CACNA1S: variants seen among roughly 807,000 people sequenced by gnomAD.
The protein encoded by CACNA1S is calcium voltage-gated channel subunit alpha1 S.
CACNA1S carries 126 observed loss-of-function variants against 207.4 expected under a neutral mutation model. The observed-to-expected ratio is 0.61, with a 90% CI of 0.53 to 0.70. The LOEUF (loss-of-function observed/expected upper bound fraction) is 0.70, where lower values mean the gene tolerates loss of function less well. Among genes scored for constraint, CACNA1S ranks in the 30% least tolerant of loss-of-function variants. The pLI is 0.00. For synonymous variants in CACNA1S, 960 were observed against 932.7 expected, an observed-to-expected ratio of 1.03 and a Z score of -0.53; for missense variants, 2,349 against 2,422.8, an observed-to-expected ratio of 0.97 and a Z score of 0.64.
Position 201,052,654 on chromosome 1 carries a change from A to G in CACNA1S, c.3862-6T>C. 1 of 1,611,248 alleles carries G rather than the reference A, an allele frequency of 6.2e-7. No homozygotes were observed. Among genetic ancestry groups the G allele is most frequent in the Non-Finnish European group, 8.5e-7 (1 of 1,177,504 alleles). The stretch of plus-strand genomic sequence containing the variant: ...AAGGCGATCTTCCCAAACATCTGCA[A>G]GTCACAAAGGGCCCTGACTGTGGAA... On this transcript the variant is annotated splice_polypyrimidine_tract_variant and splice_region_variant and intron_variant, in intron 31 of 43. Transcript: ENST00000362061.
chr1:201,047,076 G>T (rs2102552868), intron 38 of CACNA1S, 39 bp downstream of exon 38: 2 of 1,613,976 alleles, frequency 1.2e-6, no homozygotes, highest in South Asian at 2.2e-5. Flanking sequence ...ACCTGGCTCA[G>T]TGGGGGAGCC....
intron 13 of CACNA1S, 47 bp downstream of exon 13, chr1:201,075,448 C>T (rs775106748): frequency 4.4e-6 from 7 of 1,600,274 alleles, no homozygotes; most frequent in Non-Finnish European, 6.0e-6. Context: ...CCCTTTCCCC[C>T]ACCCCCTCCC....
chr1:201,110,937 G>C lies in CACNA1S; in HGVS notation c.153-668C>G, dbSNP rs572608501. Among the ~76,000 whole-genome samples, 136 of 152,354 alleles carry C rather than the reference G, an allele frequency of 8.9e-4. No homozygotes were observed. In the Middle Eastern group the frequency reaches 0.017, roughly 19 times the overall value. ...CTGGAAAGAGCTAGAGAAAGCAAGG[G>C]AGGAAGCGAGGGAGTTGTTTGGGGG... On this transcript the variant is annotated intron_variant, in intron 1 of 43. Transcript: ENST00000362061.
At chr1:201,083,621 G>A (rs998457392) in intron 9 of CACNA1S, among the ~76,000 whole-genome samples, 31 of 152,172 alleles carry the variant, frequency 2.0e-4, no homozygotes, top group Middle Eastern at 3.2e-3. Flanking sequence ...TTTAGTTAAA[G>A]CAACTCTGAG....
intron 38 of CACNA1S, 94 bp from the exon 39 acceptor site, chr1:201,044,550 G>T (rs1331053261): frequency 3.4e-6 from 5 of 1,459,586 alleles, no homozygotes; most frequent in South Asian, 1.2e-5. Flanking sequence ...TCACTCTGTT[G>T]CCCAGGCTGG....
In CACNA1S at chr1:201,053,456, C is replaced by T. The variant is rs191758096; in HGVS notation, c.3795+3G>A. 1.7e-3 allele frequency: 2,689 copies of T among 1,614,124 alleles called. 15 individuals are homozygous for T. The highest frequency in any genetic ancestry group is 4.9e-3 in the South Asian group (445 of 91,088). On this transcript the variant is annotated splice_donor_region_variant and intron_variant, in intron 30 of 43. Coordinates refer to ENST00000362061, the MANE Select transcript of CACNA1S (RefSeq NM_000069.3). This position sits in a 1 kb window ranked among gnomAD's most constrained non-coding sequence, Gnocchi z 5.1. ...CGTGCAGTTTCCAGGGTCCCTGTTG[C>T]ACCTGGAAGGACTTGATGAACGTCC...
At chr1:201,097,704 A>ATGT (rs1662488848) in intron 2 of CACNA1S, among the ~76,000 whole-genome samples, 2 of 151,970 alleles carry the variant, frequency 1.3e-5, no homozygotes, top group African/African-American at 4.8e-5. Context: ...ACATTCCCCC[A>ATGT]TCAGTAATAG....
At chr1:201,094,918 G>A (rs1049319048) in intron 2 of CACNA1S, among the ~76,000 whole-genome samples, 1 of 152,022 alleles carries the variant, frequency 6.6e-6, no homozygotes, top group Non-Finnish European at 1.5e-5. Flanking sequence ...GGGCCCAGGT[G>A]AGAGCTATTT....
chr1:201,087,847 A>G lies in CACNA1S; in HGVS notation c.983T>C (p.Leu328Pro), dbSNP rs1474333970. Residue 328 changes from leucine to proline, a missense_variant, in exon 7 of 44, where the codon CTG (leucine) becomes CCG (proline). Coordinates refer to ENST00000362061, the MANE Select transcript of CACNA1S (RefSeq NM_000069.3). ...ILLGSFFILN[L>P]VLGVLSGEFT... ...TTACCCACTCAGGACACCCAGCACC[A>G]GGTTGAGGATGAAGAAGGATCCCAG... 6.2e-7 allele frequency: 1 copy of G among 1,612,876 alleles called. No individual in the cohort carries two copies. The highest frequency in any genetic ancestry group is 8.5e-7 in the Non-Finnish European group (1 of 1,179,214).
Position 201,075,592 on chromosome 1 carries a change from G to A in CACNA1S, c.1851C>T (p.Thr617=). The A allele has an allele frequency of 6.2e-7, 1 of 1,614,126 alleles. No individual in the cohort carries two copies. Among genetic ancestry groups the A allele is most frequent in the Non-Finnish European group, 8.5e-7 (1 of 1,179,950 alleles). The change falls in exon 13 of 44, where the codon ACC becomes ACT. Residue 617 remains threonine, a synonymous_variant. Transcript: ENST00000362061. The part of the protein sequence containing the change: ...VFQVLTGEDW[T]SMMYNGIMAY... ...CCATGATCCCATTGTACATCATTGA[G>A]GTCCAGTCTTCCCCTGTCAGTACCT... is the stretch of plus-strand genomic sequence containing the variant.
chr1:201,102,586 C>T (rs1662718938), intron 2 of CACNA1S, among the ~76,000 whole-genome samples: 2 of 152,196 alleles, frequency 1.3e-5, no homozygotes, highest in African/African-American at 2.4e-5. Flanking sequence ...ACACGCATCC[C>T]AGTCTGTGCG....
rs954347856 is a variant in CACNA1S at position 201,087,793 on chromosome 1, C to G, written c.1004+33G>C. ...CTCCTTCTCCCCTCCTCCTCTTTCT[C>G]TTTTCTCCCCTGGCTACCTTTGAAT... On this transcript the variant is annotated intron_variant, in intron 7 of 43. Transcript: ENST00000362061. 6.9e-6 allele frequency: 10 copies of G among 1,445,962 alleles called. No homozygotes were observed. In the Admixed American group the frequency reaches 1.0e-4, roughly 15 times the overall value. 89.6% of individuals were successfully genotyped at this position (1,445,962 alleles called of 1,614,324 possible).
At chr1:201,054,320 A>G (rs1660758685) in intron 29 of CACNA1S, among the ~76,000 whole-genome samples, 185 bp downstream of exon 29, 1 of 152,130 alleles carries the variant, frequency 6.6e-6, no homozygotes, top group African/African-American at 2.4e-5. Context: ...ATATCCATGC[A>G]CACTTGACTG....
intron 2 of CACNA1S, among the ~76,000 whole-genome samples, chr1:201,103,260 AG>A (rs1662746972): frequency 6.7e-6 from 1 of 149,908 alleles, no homozygotes; most frequent in Admixed American, 6.7e-5. Flanking sequence ...AAAAAAAAAA[AG>A]AAAGAAAGAT....
In CACNA1S at chr1:201,061,939, C is replaced by T; in HGVS notation, c.3053+5G>A. Reference sequence around the variant, plus strand: ...TGAGGGACCTAGGCCCCAGCCATCACTCACTGAGGCCATCCCTCGAAGGTG... The same window carrying T: ...TGAGGGACCTAGGCCCCAGCCATCATTCACTGAGGCCATCCCTCGAAGGTG... On this transcript the variant is annotated splice_donor_5th_base_variant and intron_variant, in intron 24 of 43. Transcript: ENST00000362061. 2 of 1,614,134 alleles carry T rather than the reference C, an allele frequency of 1.2e-6. No individual in the cohort carries two copies. Among genetic ancestry groups the T allele is most frequent in the Non-Finnish European group, 1.7e-6 (2 of 1,179,984 alleles).
rs58170287 is a variant in CACNA1S at position 201,056,070 on chromosome 1, GACACACACAC to G, written c.3610-1519_3610-1510del. On this transcript the variant is annotated intron_variant, in intron 28 of 43. Transcript: ENST00000362061. ...ACACACACAGACAGACAGACAGACA[GACACACACAC>G]ACACACACACACACACACACACACA... Among the ~76,000 whole-genome samples the G allele has an allele frequency of 6.3e-5, 6 of 94,830 alleles. 1 individual carries two copies. The highest frequency in any genetic ancestry group is 3.5e-4 in the Admixed American group (3 of 8,644). 62.2% of individuals were successfully genotyped at this position (94,830 alleles called of 152,430 possible).
chr1:201,109,604 T>G (rs1273388826), intron 2 of CACNA1S, among the ~76,000 whole-genome samples: 1 of 152,208 alleles, frequency 6.6e-6, no homozygotes, highest in Admixed American at 6.5e-5. Flanking sequence ...GCTTAATTTT[T>G]GAATATTCCT....
At chr1:201,086,186 G>T (rs1002295750) in intron 7 of CACNA1S, among the ~76,000 whole-genome samples, 33 of 152,252 alleles carry the variant, frequency 2.2e-4, no homozygotes, top group Non-Finnish European at 3.8e-4. Flanking sequence ...TGGCAGCCAG[G>T]AGGGGTTGGC....
In CACNA1S at chr1:201,082,583, G is replaced by T. The variant is rs1291428560; in HGVS notation, c.1393+579C>A. ...GCATCTCTTCTGTGATTCTCCTCTT[G>T]CTGCTACCTTGTATTTACCTCTATC... is the stretch of plus-strand genomic sequence containing the variant. On this transcript the variant is annotated intron_variant, in intron 10 of 43. Coordinates refer to ENST00000362061, the MANE Select transcript of CACNA1S (RefSeq NM_000069.3). Among the ~76,000 whole-genome samples, 3 of 152,084 alleles carry T rather than the reference G, an allele frequency of 2.0e-5. 1 individual carries two copies. The highest frequency in any genetic ancestry group is 7.2e-5 in the African/African-American group (3 of 41,402).
Sources: allele counts gnomAD v4.1 joint callset (sites outside exome capture counted in the v4.1 genomes callset), GRCh38; gene constraint gnomAD v4.1.1; non-coding constraint Gnocchi (gnomAD v3.1); transcripts MANE v1.5; gene names NCBI Gene and HGNC (gene_info 2026-07-23, HGNC 2026-07-21).